Variants in RHOA observed in about 807,000 individuals in gnomAD.
The protein encoded by RHOA is transforming protein RhoA.
In RHOA, 3 loss-of-function variants were observed where a neutral mutation model predicts 17.5. The ratio of observed to expected loss-of-function variants is 0.17; its 90% CI spans 0.08 to 0.44. The LOEUF (loss-of-function observed/expected upper bound fraction) is 0.44, where lower values mean the gene tolerates loss of function less well. Among genes scored for constraint, RHOA ranks in the 20% least tolerant of loss-of-function variants. The pLI is 0.99. For synonymous variants in RHOA, 98 were observed against 88.4 expected, an observed-to-expected ratio of 1.11 and a Z score of -0.61; for missense variants, 56 against 242.3, an observed-to-expected ratio of 0.23 and a Z score of 5.10.
At chr3:49,385,542 G>T (rs1374124177) in intron 1 of RHOA, among the ~76,000 whole-genome samples, 3 of 151,602 alleles carry the variant, frequency 2.0e-5, no homozygotes, top group South Asian at 2.1e-4. Flanking sequence ...AAACTCAGTT[G>T]TTTTTTTTAT....
intron 1 of RHOA, among the ~76,000 whole-genome samples, chr3:49,403,886 C>T (rs1424363358): frequency 6.6e-6 from 1 of 151,934 alleles, no homozygotes; most frequent in African/African-American, 2.4e-5. Context: ...AACCACTGTT[C>T]TTAAGTACCA....
intron 2 of RHOA, among the ~76,000 whole-genome samples, chr3:49,374,575 G>A (rs1361539152): frequency 6.6e-6 from 1 of 151,892 alleles, no homozygotes; most frequent in Non-Finnish European, 1.5e-5. Context: ...GTATTAGCCA[G>A]GCATGGCGGC....
At position 49,396,524 on chromosome 3, in the gene RHOA, T is replaced by C. The variant is rs144593022; in HGVS notation, c.-3+15296A>G. 2.8e-3 allele frequency among the ~76,000 whole-genome samples: 420 copies of C among 152,150 alleles called. 3 individuals are homozygous for C. The highest frequency in any genetic ancestry group is 9.3e-3 in the African/African-American group (388 of 41,520). Reference sequence around the variant, plus strand: ...CAGTTCGAGACCAGCCTGGCCAACATAGTGAAACCTTACCTCTACTAAAAA... The same window carrying C: ...CAGTTCGAGACCAGCCTGGCCAACACAGTGAAACCTTACCTCTACTAAAAA... On this transcript the variant is annotated intron_variant, in intron 1 of 4. Transcript: ENST00000418115.
intron 1 of RHOA, among the ~76,000 whole-genome samples, chr3:49,400,102 C>T (rs1268731622): frequency 6.6e-6 from 1 of 151,610 alleles, no homozygotes; most frequent in African/African-American, 2.4e-5. Context: ...ATCCCAGCTA[C>T]TCGGGAGGCT....
At chr3:49,410,997 T>C (rs749863092) in intron 1 of RHOA, among the ~76,000 whole-genome samples, 4 of 152,260 alleles carry the variant, frequency 2.6e-5, no homozygotes, top group Non-Finnish European at 5.9e-5. Flanking sequence ...ATAGCGCTAT[T>C]CAATGAAGAC....
At chr3:49,391,823 CTTTT>C (rs59591685) in intron 1 of RHOA, among the ~76,000 whole-genome samples, 6 of 99,668 alleles carry the variant, frequency 6.0e-5, no homozygotes, top group Admixed American at 1.1e-4. Context: ...ATTAATTTAT[CTTTT>C]TTTTTTTTTT....
At chr3:49,372,644 G>C (rs2048164039) in intron 2 of RHOA, among the ~76,000 whole-genome samples, 1 of 145,602 alleles carries the variant, frequency 6.9e-6, no homozygotes, top group Non-Finnish European at 1.5e-5. Flanking sequence ...TGAGGCAGGA[G>C]AATGGCGTGA....
At chr3:49,397,739 CGAGA>C (rs1159800445) in intron 1 of RHOA, among the ~76,000 whole-genome samples, 1 of 151,892 alleles carries the variant, frequency 6.6e-6, no homozygotes, top group African/African-American at 2.4e-5. Context: ...TAGAGGGGAA[CGAGA>C]TTTCGCTTGC....
rs1224824208 is a variant in RHOA, at chr3:49,360,147, A to G, written c.*62T>C. On this transcript the variant is annotated 3_prime_UTR_variant, in exon 5 of 5. Coordinates refer to ENST00000418115, the MANE Select transcript of RHOA (RefSeq NM_001664.4). ...AAATGAAAAAGGCCAGTAATCATAC[A>G]CTAAGATTAATAAACAGCACTTCAA... 2.7e-6 allele frequency: 4 copies of G among 1,468,694 alleles called. No individual in the cohort carries two copies. The African/African-American group carries it at 5.7e-5, about 21-fold the overall frequency. The allele number at this position is 1,468,694 out of a possible 1,614,324, so 91.0% of individuals were successfully genotyped here.
chr3:49,393,971 C>T (rs1057257865), intron 1 of RHOA, among the ~76,000 whole-genome samples: 82 of 149,640 alleles, frequency 5.5e-4, no homozygotes, highest in African/African-American at 1.7e-3. Flanking sequence ...CCCGGGTTCA[C>T]GCCATTCTCC....
At chr3:49,366,724 T>C (rs2048062398) in intron 3 of RHOA, 1 of 152,248 alleles carries the variant, frequency 6.6e-6, no homozygotes, top group Non-Finnish European at 1.5e-5. Context: ...CTCAGCTCCT[T>C]GGGCCAGCAT....
At chr3:49,395,569 CAGGCGT>C (rs2048601572) in intron 1 of RHOA, among the ~76,000 whole-genome samples, 1 of 151,870 alleles carries the variant, frequency 6.6e-6, no homozygotes, top group Admixed American at 6.6e-5. Context: ...AAAAATTAGC[CAGGCGT>C]GGTGGTGGGC....
At chr3:49,373,273 G>T (rs569080900) in intron 2 of RHOA, 4 of 233,762 alleles carry the variant, frequency 1.7e-5, no homozygotes, top group Middle Eastern at 4.5e-4. Flanking sequence ...GAACTCAGGA[G>T]GCGGAGGTTG....
chr3:49,392,741 G>T (rs1235298995), intron 1 of RHOA, among the ~76,000 whole-genome samples: 2 of 152,160 alleles, frequency 1.3e-5, no homozygotes, highest in African/African-American at 4.8e-5. Flanking sequence ...GTACTGGACA[G>T]TGCAGATATA....
At chr3:49,384,031 G>A (rs1432762444) in intron 1 of RHOA, among the ~76,000 whole-genome samples, 1 of 151,776 alleles carries the variant, frequency 6.6e-6, no homozygotes, top group African/African-American at 2.4e-5. Flanking sequence ...CTGTGTCTCA[G>A]AAAAAAGAAA....
intron 1 of RHOA, among the ~76,000 whole-genome samples, chr3:49,401,130 C>T (rs1559517463): frequency 6.6e-6 from 1 of 151,430 alleles, no homozygotes; most frequent in Non-Finnish European, 1.5e-5. Flanking sequence ...GACACTAGGG[C>T]CTTCAAATTT....
intron 1 of RHOA, among the ~76,000 whole-genome samples, chr3:49,383,940 G>T (rs1360220421): frequency 1.3e-5 from 2 of 152,160 alleles, no homozygotes; most frequent in African/African-American, 2.4e-5. Context: ...TGAGGCACGA[G>T]AATCACTTGA....
At chr3:49,366,568 A>G (rs1239485456) in intron 3 of RHOA, 1 of 152,092 alleles carries the variant, frequency 6.6e-6, no homozygotes, top group Non-Finnish European at 1.5e-5. Context: ...GTGCCACTCA[A>G]CTCCAGCCTG....
intron 1 of RHOA, among the ~76,000 whole-genome samples, chr3:49,400,293 A>C (rs933859611): frequency 6.6e-6 from 1 of 151,640 alleles, no homozygotes; most frequent in Non-Finnish European, 1.5e-5. Context: ...AGTCTAACCA[A>C]AACTGGCCAC....
Sources: allele counts gnomAD v4.1 joint callset (sites outside exome capture counted in the v4.1 genomes callset), GRCh38; gene constraint gnomAD v4.1.1; transcripts MANE v1.5; gene names NCBI Gene and HGNC (gene_info 2026-07-23, HGNC 2026-07-21).